Variants in AP3B1 observed in about 807,000 individuals in gnomAD.
AP3B1 encodes AP-3 complex subunit beta-1.
Under a neutral mutation model 132.5 loss-of-function variants are expected in AP3B1, and 61 were observed. That is an observed-to-expected ratio of 0.46 (90% CI 0.37 to 0.57). The LOEUF is 0.57. AP3B1 is among the 20% of genes least tolerant of loss of function. The probability of loss-of-function intolerance (pLI) is 0.00; values close to 1 mark genes in which losing one functional copy is unlikely to be tolerated. For synonymous variants in AP3B1, 388 were observed against 438.3 expected (o/e 0.89, Z 1.43); for missense variants, 1,120 against 1,289.4 (o/e 0.87, Z 2.01).
intron 7 of AP3B1, among the ~76,000 whole-genome samples, chr5:78,203,757 G>A (rs757921326): frequency 2.6e-5 from 4 of 151,940 alleles, no homozygotes; most frequent in Admixed American, 1.3e-4. Flanking sequence ...GGCCTCTTAA[G>A]TCTCTTGAGC....
intron 21 of AP3B1, among the ~76,000 whole-genome samples, chr5:78,096,435 C>T (rs1447543123): frequency 7.9e-5 from 12 of 152,118 alleles, no homozygotes; most frequent in East Asian, 1.9e-4. Context: ...GCCGCCACCC[C>T]GTCTAGGAAG....
At chr5:78,238,914 G>A (rs976081357) in intron 3 of AP3B1, among the ~76,000 whole-genome samples, 6 of 149,176 alleles carry the variant, frequency 4.0e-5, no homozygotes, top group African/African-American at 5.0e-5. Flanking sequence ...GCAACTATAC[G>A]CTGTCAACAA....
Position 78,077,548 on chromosome 5 carries a change from G to A in AP3B1, c.2577+11845C>T, listed in dbSNP as rs545008643. On this transcript the variant is annotated intron_variant, in intron 22 of 26. Transcript: ENST00000255194. ...TACTACAATTTTCCCATGACAGTGC[G>A]TCACCAACATACTTCTCAAGTATCA... Among the ~76,000 whole-genome samples, 97 of 152,258 alleles carry A rather than the reference G, an allele frequency of 6.4e-4. 1 individual carries two copies. Among genetic ancestry groups the A allele is most frequent in the Middle Eastern group, 3.4e-3 (1 of 294 alleles).
chr5:78,040,553 T>C (rs998383846), intron 22 of AP3B1, among the ~76,000 whole-genome samples: 1 of 152,200 alleles, frequency 6.6e-6, no homozygotes, highest in Non-Finnish European at 1.5e-5. Context: ...CTCATTTTCA[T>C]TGAAATCATA....
At chr5:78,176,093 T>C (rs1305950625) in intron 9 of AP3B1, among the ~76,000 whole-genome samples, 2 of 152,170 alleles carry the variant, frequency 1.3e-5, no homozygotes, top group African/African-American at 4.8e-5. Flanking sequence ...TCCTAAAATA[T>C]GAAGTTAACA....
At chr5:78,096,670 C>A (rs1234527585) in intron 21 of AP3B1, among the ~76,000 whole-genome samples, 24 of 151,578 alleles carry the variant, frequency 1.6e-4, no homozygotes, top group African/African-American at 5.6e-4. Flanking sequence ...GCGACTCCGT[C>A]TGGGAGGTGA....
chr5:78,138,409 G>A (rs1753002898), intron 15 of AP3B1, among the ~76,000 whole-genome samples: 1 of 152,158 alleles, frequency 6.6e-6, no homozygotes, highest in Non-Finnish European at 1.5e-5. Context: ...AGAGGTTGCA[G>A]TGAGTCGAGA....
intron 14 of AP3B1, among the ~76,000 whole-genome samples, chr5:78,152,467 T>C (rs1351348368): frequency 6.6e-6 from 1 of 152,146 alleles, no homozygotes; most frequent in African/African-American, 2.4e-5. Context: ...TACTGGCATA[T>C]AGTTGCTTAT....
chr5:78,160,846 T>G (rs1384468098), intron 13 of AP3B1, among the ~76,000 whole-genome samples: 1 of 152,056 alleles, frequency 6.6e-6, no homozygotes, highest in Non-Finnish European at 1.5e-5. Context: ...TTATTTGTTT[T>G]ACCTCTCACT....
chr5:78,157,538 G>A (rs768824859), intron 13 of AP3B1, among the ~76,000 whole-genome samples: 5 of 152,132 alleles, frequency 3.3e-5, no homozygotes, highest in African/African-American at 7.2e-5. Flanking sequence ...GTAAAGAAAC[G>A]TAACATAACT....
intron 7 of AP3B1, among the ~76,000 whole-genome samples, chr5:78,186,458 T>C (rs1325583656): frequency 6.6e-6 from 1 of 152,106 alleles, no homozygotes; most frequent in African/African-American, 2.4e-5. Flanking sequence ...TGGAATAAAG[T>C]CGGTTTGGCT....
chr5:78,191,510 A>C (rs1744833604), intron 7 of AP3B1, among the ~76,000 whole-genome samples: 1 of 152,166 alleles, frequency 6.6e-6, no homozygotes, highest in Non-Finnish European at 1.5e-5. Flanking sequence ...TAACTCTCCT[A>C]GTCTTTGGTT....
chr5:78,076,977 T>C (rs1749793414), intron 22 of AP3B1, among the ~76,000 whole-genome samples: 1 of 152,198 alleles, frequency 6.6e-6, no homozygotes. Context: ...TGAGTTGTTC[T>C]AGAAAATTAC....
intron 18 of AP3B1, 79 bp from the exon 19 acceptor site, chr5:78,114,002 T>C: frequency 6.7e-7 from 1 of 1,487,978 alleles, no homozygotes; most frequent in Non-Finnish European, 9.2e-7. Flanking sequence ...TCAATATTCA[T>C]CACAAATGAA....
Position 78,067,582 on chromosome 5 carries a change from G to T in AP3B1, c.2577+21811C>A, listed in dbSNP as rs149666072. ...TCTTAACAGTCTCTCAGACTATAGC[G>T]CAATCAAATTGGAATTCAAGGTTAA... On this transcript the variant is annotated intron_variant, in intron 22 of 26. Transcript: ENST00000255194. Among the ~76,000 whole-genome samples the T allele has an allele frequency of 2.3e-3, 346 of 152,234 alleles. 1 individual carries two copies. Among genetic ancestry groups the T allele is most frequent in the Admixed American group, 0.013 (200 of 15,290 alleles).
chr5:78,115,317 T>C (rs75383963), intron 18 of AP3B1, among the ~76,000 whole-genome samples: 3 of 152,232 alleles, frequency 2.0e-5, no homozygotes, highest in East Asian at 3.9e-4. Flanking sequence ...CAGATAACCA[T>C]GTAAGAGTGA....
At chr5:78,115,855 TG>T (rs1751802671) in intron 18 of AP3B1, among the ~76,000 whole-genome samples, 1 of 152,196 alleles carries the variant, frequency 6.6e-6, no homozygotes, top group South Asian at 2.1e-4. Context: ...TTAGGCATTG[TG>T]GTTTAGAATT....
intron 22 of AP3B1, among the ~76,000 whole-genome samples, chr5:78,041,206 G>C (rs184050280): frequency 6.6e-6 from 1 of 151,492 alleles, no homozygotes; most frequent in African/African-American, 2.4e-5. Context: ...CCTGGGAGGC[G>C]GAGGTTGCTG....
At chr5:78,098,152 G>A (rs436614) in intron 21 of AP3B1, among the ~76,000 whole-genome samples, 3 of 148,394 alleles carry the variant, frequency 2.0e-5, no homozygotes, top group Non-Finnish European at 3.0e-5. Context: ...GCGGAAGGCC[G>A]CAGGGTCCTC....
Sources: gnomAD v4.1 joint callset for allele counts (sites outside exome capture counted in the v4.1 genomes callset) on GRCh38, gnomAD v4.1.1 for gene constraint, MANE v1.5 for transcripts, NCBI Gene and HGNC (gene_info 2026-07-23, HGNC 2026-07-21) for gene names.